The following TAFA5 variants were observed in gnomAD, a reference collection of about 807,000 sequenced individuals.
The protein encoded by TAFA5 is chemokine-like protein TAFA-5.
In TAFA5, 6 loss-of-function variants were observed where a neutral mutation model predicts 15.3. The observed-to-expected ratio is 0.39, with a 90% CI of 0.21 to 0.77. The LOEUF (loss-of-function observed/expected upper bound fraction) is 0.77, where lower values mean the gene tolerates loss of function less well. Ranked by LOEUF, TAFA5 falls within the 30% of genes least tolerant of loss-of-function variation. TAFA5 has a pLI of 0.41. For synonymous variants in TAFA5, 103 were observed against 80.7 expected, an observed-to-expected ratio of 1.28 and a Z score of -1.48; for missense variants, 161 against 193.1, an observed-to-expected ratio of 0.83 and a Z score of 0.98.
At chr22:48,564,467 C>T (rs1395898196) in intron 1 of TAFA5, among the ~76,000 whole-genome samples, 1 of 152,238 alleles carries the variant, frequency 6.6e-6, no homozygotes, top group African/African-American at 2.4e-5. Flanking sequence ...AAGCTTGCAG[C>T]TGCAGGACAG....
chr22:48,603,454 C>G (rs1156785773), intron 1 of TAFA5, among the ~76,000 whole-genome samples: 1 of 152,228 alleles, frequency 6.6e-6, no homozygotes, highest in Non-Finnish European at 1.5e-5. Context: ...CTGACGGTCT[C>G]CTTGTGCCCC....
At chr22:48,743,623 G>A (rs760939096) in intron 3 of TAFA5, among the ~76,000 whole-genome samples, 30 of 152,276 alleles carry the variant, frequency 2.0e-4, no homozygotes, top group Admixed American at 1.2e-3. Flanking sequence ...TGCCAGGTGC[G>A]TCCTCATTCC....
intron 2 of TAFA5, among the ~76,000 whole-genome samples, chr22:48,704,483 C>G (rs1357823025): frequency 6.6e-6 from 1 of 152,124 alleles, no homozygotes; most frequent in Non-Finnish European, 1.5e-5. Context: ...TCCGGCCATC[C>G]CCACTCATGG....
chr22:48,589,861 C>G (rs1341904347), intron 1 of TAFA5, among the ~76,000 whole-genome samples: 1 of 152,140 alleles, frequency 6.6e-6, no homozygotes, highest in African/African-American at 2.4e-5. Context: ...CTTCTGCCCT[C>G]CAGAACTGTG....
At chr22:48,568,000 C>T (rs1184554398) in intron 1 of TAFA5, among the ~76,000 whole-genome samples, 4 of 152,346 alleles carry the variant, frequency 2.6e-5, no homozygotes, top group Middle Eastern at 3.4e-3. Flanking sequence ...TCTGTGCCAG[C>T]TGGGGAGCTT....
chr22:48,515,971 C>T (rs1238386712), intron 1 of TAFA5, among the ~76,000 whole-genome samples: 1 of 151,950 alleles, frequency 6.6e-6, no homozygotes, highest in East Asian at 1.9e-4. Context: ...GGAAAGGCAA[C>T]CCGGGCAGCC....
At chr22:48,627,630 C>G (rs1257895745) in intron 1 of TAFA5, among the ~76,000 whole-genome samples, 1 of 152,246 alleles carries the variant, frequency 6.6e-6, no homozygotes, top group Non-Finnish European at 1.5e-5. Context: ...CAGCCTCTGT[C>G]GTGGGAGGCC....
At chr22:48,721,766 C>T (rs182978162) in intron 3 of TAFA5, among the ~76,000 whole-genome samples, 4 of 152,150 alleles carry the variant, frequency 2.6e-5, no homozygotes, top group South Asian at 2.1e-4. Flanking sequence ...GTCAGGGGTT[C>T]GAAACCAGCC....
At chr22:48,698,754 C>T (rs1055348717) in intron 2 of TAFA5, among the ~76,000 whole-genome samples, 5 of 36,878 alleles carry the variant, frequency 1.4e-4, no homozygotes, top group Admixed American at 4.1e-4. Context: ...GCCTCCCTTC[C>T]GCAGCCTCGG....
intron 1 of TAFA5, among the ~76,000 whole-genome samples, chr22:48,534,068 T>C (rs1407592022): frequency 2.0e-5 from 3 of 152,066 alleles, no homozygotes; most frequent in Non-Finnish European, 4.4e-5. Context: ...TCTCCTTCCA[T>C]TGCTACCCTC....
chr22:48,596,846 T>A (rs1458653104), intron 1 of TAFA5, among the ~76,000 whole-genome samples: 1 of 152,146 alleles, frequency 6.6e-6, no homozygotes, highest in Non-Finnish European at 1.5e-5. Context: ...TCTCCTTCTG[T>A]CACCCAAGCT....
chr22:48,501,294 T>C (rs1920950380), intron 1 of TAFA5, among the ~76,000 whole-genome samples: 1 of 152,232 alleles, frequency 6.6e-6, no homozygotes, highest in African/African-American at 2.4e-5. Flanking sequence ...AGGCCTTCAG[T>C]GTGCCCAGGC....
At chr22:48,643,267 C>T (rs531090311) in intron 1 of TAFA5, among the ~76,000 whole-genome samples, 2 of 152,248 alleles carry the variant, frequency 1.3e-5, no homozygotes, top group East Asian at 3.9e-4. Flanking sequence ...ATCTGTTACG[C>T]AGGAAGCTCC....
chr22:48,581,306 G>C (rs528957606), intron 1 of TAFA5, among the ~76,000 whole-genome samples: 1 of 152,206 alleles, frequency 6.6e-6, no homozygotes. Flanking sequence ...AGTCCCTGCC[G>C]AGGGCCAGGC....
intron 1 of TAFA5, among the ~76,000 whole-genome samples, chr22:48,628,441 C>A (rs1361986579): frequency 1.3e-5 from 2 of 152,236 alleles, no homozygotes; most frequent in Non-Finnish European, 2.9e-5. Flanking sequence ...AAGATCTCTC[C>A]TGTTCAGATC....
intron 3 of TAFA5, among the ~76,000 whole-genome samples, chr22:48,747,766 G>T (rs543767808): frequency 1.3e-5 from 2 of 151,968 alleles, no homozygotes; most frequent in African/African-American, 2.4e-5. Flanking sequence ...GCATGGAGGC[G>T]CATGCCTGTA....
chr22:48,534,263 G>A lies in TAFA5; in HGVS notation c.112+44559G>A, dbSNP rs138317095. Among the ~76,000 whole-genome samples, 442 of 151,814 alleles carry A rather than the reference G, an allele frequency of 2.9e-3. 1 individual carries two copies. Among genetic ancestry groups the A allele is most frequent in the African/African-American group, 0.01 (416 of 41,392 alleles). Reference sequence around the variant, plus strand: ...GGCAGGTGAAATGAGTAAGTCAGGTGAGGTGGATCAGGCAATTGCGGTGGG... The same window carrying A: ...GGCAGGTGAAATGAGTAAGTCAGGTAAGGTGGATCAGGCAATTGCGGTGGG... On this transcript the variant is annotated intron_variant, in intron 1 of 3. Coordinates refer to ENST00000402357, the MANE Select transcript of TAFA5 (RefSeq NM_001082967.3).
chr22:48,580,438 G>C (rs574809820), intron 1 of TAFA5, among the ~76,000 whole-genome samples: 1 of 152,184 alleles, frequency 6.6e-6, no homozygotes, highest in Non-Finnish European at 1.5e-5. Flanking sequence ...CACAGTTCCC[G>C]GCCCTAAGAC....
At chr22:48,544,758 G>A (rs1922599112) in intron 1 of TAFA5, 6 of 471,176 alleles carry the variant, frequency 1.3e-5, no homozygotes, top group Non-Finnish European at 1.8e-5. Flanking sequence ...AGGCTGACTT[G>A]GAGAAATTGT....
Sources: allele counts gnomAD v4.1 joint callset (sites outside exome capture counted in the v4.1 genomes callset), GRCh38; gene constraint gnomAD v4.1.1; transcripts MANE v1.5; gene names NCBI Gene and HGNC (gene_info 2026-07-23, HGNC 2026-07-21).